Variants in FMN2 observed in about 807,000 individuals in gnomAD.
The protein encoded by FMN2 is formin 2.
A neutral mutation model predicts 142.3 loss-of-function variants in FMN2; 51 were observed. The ratio of observed to expected loss-of-function variants is 0.36; its 90% CI spans 0.29 to 0.45. The LOEUF is 0.45. Ranked by LOEUF, FMN2 falls within the 20% of genes least tolerant of loss-of-function variation. The pLI, the probability that FMN2 is intolerant of heterozygous loss-of-function variation, is 1.00. For missense variants in FMN2, 1,936 were observed against 2,122.8 expected (o/e 0.91, Z 1.73); for synonymous variants, 882 against 869.8 (o/e 1.01, Z -0.25).
At chr1:240,469,400 A>G (rs1315306217) in intron 16 of FMN2, among the ~76,000 whole-genome samples, 1 of 152,176 alleles carries the variant, frequency 6.6e-6, no homozygotes, top group Non-Finnish European at 1.5e-5. Context: ...TTATGTGTGC[A>G]TAACTAGAGG....
chr1:240,338,937 A>T (rs1018360180), intron 13 of FMN2, among the ~76,000 whole-genome samples: 5 of 152,194 alleles, frequency 3.3e-5, no homozygotes, highest in Admixed American at 3.3e-4. Flanking sequence ...GTGACAGATC[A>T]TCAGACATTA....
chr1:240,461,390 G>A (rs531427627), intron 16 of FMN2, among the ~76,000 whole-genome samples: 66 of 152,232 alleles, frequency 4.3e-4, no homozygotes, highest in African/African-American at 1.5e-3. Context: ...TCTGCATTTG[G>A]CACATTATAA....
chr1:240,329,399 C>T lies in FMN2; in HGVS notation c.4368C>T (p.Phe1456=). The T allele has an allele frequency of 6.2e-7, 1 of 1,614,050 alleles. No individual in the cohort carries two copies. The highest frequency in any genetic ancestry group is 8.5e-7 in the Non-Finnish European group (1 of 1,179,950). Residue 1456 remains phenylalanine, a synonymous_variant, in exon 10 of 18, where the codon TTC becomes TTT. Transcript: ENST00000319653. Reference sequence around the variant, plus strand: ...CAGAGCGAGTCTTTTGCATCCTGTTCCAGTCCACATTTTCAGAAAGCATTT... The same window carrying T: ...CAGAGCGAGTCTTTTGCATCCTGTTTCAGTCCACATTTTCAGAAAGCATTT... The part of the protein sequence containing the change: ...NFSERVFCIL[F]QSTFSESICS...
chr1:240,222,803 T>A (rs1453037727), intron 6 of FMN2, among the ~76,000 whole-genome samples: 1 of 152,184 alleles, frequency 6.6e-6, no homozygotes, highest in Non-Finnish European at 1.5e-5. Context: ...TGTCTATTAT[T>A]GGTGTATAGG....
chr1:240,268,144 C>A (rs962568339), intron 7 of FMN2, among the ~76,000 whole-genome samples: 2 of 151,972 alleles, frequency 1.3e-5, no homozygotes, highest in Non-Finnish European at 2.9e-5. Context: ...GGGTATATAT[C>A]TAAAAGGAAC....
intron 7 of FMN2, among the ~76,000 whole-genome samples, chr1:240,281,155 A>G (rs1459908171): frequency 6.6e-6 from 1 of 152,148 alleles, no homozygotes; most frequent in African/African-American, 2.4e-5. Flanking sequence ...AACCTTGTAT[A>G]AGCAAGTATG....
intron 8 of FMN2, among the ~76,000 whole-genome samples, chr1:240,315,810 T>A (rs1670762858): frequency 6.6e-6 from 1 of 150,482 alleles, no homozygotes; most frequent in African/African-American, 2.5e-5. Context: ...GTTTTCAAGA[T>A]GAGACGAGAT....
chr1:240,437,989 G>A, intron 15 of FMN2, 72 bp from the exon 16 acceptor site: 1 of 1,527,476 alleles, frequency 6.5e-7, no homozygotes, highest in Middle Eastern at 1.8e-4. Context: ...TCAGCATTTG[G>A]ATAGAGAAAG....
At chr1:240,266,385 G>A (rs1668803799) in intron 7 of FMN2, among the ~76,000 whole-genome samples, 1 of 151,890 alleles carries the variant, frequency 6.6e-6, no homozygotes, top group African/African-American at 2.4e-5. Flanking sequence ...TATTTTTATT[G>A]AAGATTGGAT....
chr1:240,341,020 A>G (rs1338936093), intron 13 of FMN2, among the ~76,000 whole-genome samples: 3 of 152,118 alleles, frequency 2.0e-5, no homozygotes, highest in South Asian at 2.1e-4. Flanking sequence ...TGTCTCTAAC[A>G]TCTCTTTCAT....
chr1:240,457,283 CA>C (rs1330584730), intron 16 of FMN2, among the ~76,000 whole-genome samples: 2 of 152,164 alleles, frequency 1.3e-5, no homozygotes, highest in Non-Finnish European at 2.9e-5. Context: ...AATGGCAAGT[CA>C]AGAGCATTTT....
In FMN2 at chr1:240,473,782, A is replaced by T. The variant is rs2103252441; in HGVS notation, c.5143-346A>T. On this transcript the variant is annotated intron_variant, in intron 17 of 17. Coordinates refer to ENST00000319653, the MANE Select transcript of FMN2 (RefSeq NM_020066.5). This position sits in a 1 kb window ranked among gnomAD's most constrained non-coding sequence, Gnocchi z 4.3. ...TATGAGTACAGAAGATAATTAGAGT[A>T]CATTTACCATGAAGTGAAGCAGCCA... Among the ~76,000 whole-genome samples, 1 of 152,354 alleles carries T rather than the reference A, an allele frequency of 6.6e-6. No homozygotes were observed.
intron 16 of FMN2, among the ~76,000 whole-genome samples, chr1:240,465,170 T>A (rs557999520): frequency 3.6e-4 from 55 of 152,210 alleles, no homozygotes; most frequent in Non-Finnish European, 7.2e-4. Context: ...CGAATAAACT[T>A]CCCCAGATCA....
At chr1:240,401,014 A>G (rs967164189) in intron 15 of FMN2, 2 of 151,644 alleles carry the variant, frequency 1.3e-5, no homozygotes, top group Non-Finnish European at 2.9e-5. Context: ...AATCCCAGCT[A>G]CTCCGGAGGC....
intron 6 of FMN2, among the ~76,000 whole-genome samples, chr1:240,236,302 C>T (rs1229621083): frequency 6.6e-6 from 1 of 152,132 alleles, no homozygotes; most frequent in Non-Finnish European, 1.5e-5. Context: ...AAGCTTTTAG[C>T]TTTAGTGACT....
rs79734904 is a variant in FMN2, at chr1:240,410,598, A to G, written c.4910+18036A>G. On this transcript the variant is annotated intron_variant, in intron 15 of 17. Transcript: ENST00000319653. Reference sequence around the variant, plus strand: ...AGTAAATGTTAAAATTTCAACTTTAACTAGAAGAAAATATTGAGAAATTTT... The same window carrying G: ...AGTAAATGTTAAAATTTCAACTTTAGCTAGAAGAAAATATTGAGAAATTTT... Among the ~76,000 whole-genome samples the G allele has an allele frequency of 4.0e-3, 613 of 152,344 alleles. 8 individuals are homozygous for G. Among genetic ancestry groups the G allele is most frequent in the African/African-American group, 0.014 (595 of 41,584 alleles).
At chr1:240,455,214 A>G (rs1211128918) in intron 16 of FMN2, among the ~76,000 whole-genome samples, 1 of 151,892 alleles carries the variant, frequency 6.6e-6, no homozygotes, top group Admixed American at 6.6e-5. Context: ...CATATAAGAT[A>G]TACTTTACTA....
chr1:240,412,996 G>A (rs1000191801), intron 15 of FMN2, among the ~76,000 whole-genome samples: 5 of 151,172 alleles, frequency 3.3e-5, no homozygotes, highest in South Asian at 2.1e-4. Flanking sequence ...AGTGGTGGGC[G>A]CCTGTAGTCT....
At chr1:240,209,353 C>T (rs971848951) in intron 5 of FMN2, among the ~76,000 whole-genome samples, 24 of 151,730 alleles carry the variant, frequency 1.6e-4, no homozygotes, top group African/African-American at 5.6e-4. Flanking sequence ...CGGGTTCACC[C>T]CATTCTCCTG....
Sources: gnomAD v4.1 joint callset for allele counts (sites outside exome capture counted in the v4.1 genomes callset) on GRCh38, gnomAD v4.1.1 for gene constraint, Gnocchi (gnomAD v3.1) non-coding constraint, MANE v1.5 for transcripts, NCBI Gene and HGNC (gene_info 2026-07-23, HGNC 2026-07-21) for gene names.